The following UAP1L1 variants were observed in gnomAD, a reference collection of about 807,000 sequenced individuals.
UAP1L1 encodes the protein UDP-N-acetylglucosamine pyrophosphorylase 1 like 1, also known as UDP-N-acetylhexosamine pyrophosphorylase-like protein 1.
A neutral mutation model predicts 45.3 loss-of-function variants in UAP1L1; 45 were observed. The observed-to-expected ratio is 0.99, with a 90% CI of 0.78 to 1.27. UAP1L1 has a LOEUF of 1.27. Among genes scored for constraint, UAP1L1 ranks in the 50% most tolerant of loss-of-function variants. UAP1L1 has a pLI of 0.00. For synonymous variants in UAP1L1, 323 were observed against 303.9 expected, an observed-to-expected ratio of 1.06 and a Z score of -0.65; for missense variants, 667 against 694.0, an observed-to-expected ratio of 0.96 and a Z score of 0.44.
Position 137,077,829 on chromosome 9 carries a change from G to A in UAP1L1, c.289+8G>A. 3 of 1,419,534 alleles carry A rather than the reference G, an allele frequency of 2.1e-6. No homozygotes were observed. In the South Asian group the frequency reaches 4.5e-5, roughly 21 times the overall value. The allele number at this position is 1,419,534 out of a possible 1,614,324, so 87.9% of individuals were successfully genotyped here. A position where few individuals can be genotyped will look rare whatever the true frequency, so the allele number is the denominator to read the frequency against. On this transcript the variant is annotated splice_region_variant and intron_variant, in intron 1 of 8. Coordinates refer to ENST00000409858, the MANE Select transcript of UAP1L1 (RefSeq NM_207309.3). This position sits in a 1 kb window ranked among gnomAD's most constrained non-coding sequence, Gnocchi z 4.7. ...GGCGCTGGGAGGAGGAAGGTAAGCG[G>A]GGTGGGAGGCCCTGGGGGCCGGCAG...
chr9:137,083,761 C>G lies in UAP1L1; in HGVS notation c.*1032C>G, dbSNP rs1270105249. On this transcript the variant is annotated 3_prime_UTR_variant, in exon 9 of 9. Transcript: ENST00000409858. ...GCCTGCTTTCTCATCTCAGGGGAGG[C>G]AGTGGCACCTCCCTCTCCCTGCTGA... 6.6e-6 allele frequency: 1 copy of G among 152,234 alleles called. No homozygotes were observed. Among genetic ancestry groups the G allele is most frequent in the Non-Finnish European group, 1.5e-5 (1 of 68,060 alleles). The allele number at this position is 152,234 out of a possible 1,614,324, so 9.4% of individuals were successfully genotyped here.
chr9:137,079,382 C>A lies in UAP1L1; in HGVS notation c.970C>A (p.Leu324Met). The A allele has an allele frequency of 6.2e-7, 1 of 1,612,472 alleles. No homozygotes were observed. Among genetic ancestry groups the A allele is most frequent in the Non-Finnish European group, 8.5e-7 (1 of 1,179,406 alleles). ...ACAGCTACGTGCCTCCGACGGGAGC[C>A]TGCTGTACAATGCAGGCAACATCTG... The part of the protein sequence containing the change: ...TAQLRASDGS[L>M]LYNAGNICNH... Residue 324 changes from leucine (L) to methionine (M), a missense_variant, in exon 5 of 9, where the codon CTG (leucine) becomes ATG (methionine). Coordinates refer to ENST00000409858, the MANE Select transcript of UAP1L1 (RefSeq NM_207309.3).
chr9:137,077,542 G>C lies in UAP1L1; in HGVS notation c.10G>C (p.Glu4Gln), dbSNP rs1319551907. 5 of 1,387,128 alleles carry C rather than the reference G, an allele frequency of 3.6e-6. No individual in the cohort carries two copies. The highest frequency in any genetic ancestry group is 1.5e-5 in the African/African-American group (1 of 65,786). The allele number at this position is 1,387,128 out of a possible 1,614,324, so 85.9% of individuals were successfully genotyped here. A position where few individuals can be genotyped will look rare whatever the true frequency, so the allele number is the denominator to read the frequency against. The change falls in exon 1 of 9, where the codon GAG becomes CAG. Residue 4 changes from glutamate to glutamine, a missense_variant. Coordinates refer to ENST00000409858, the MANE Select transcript of UAP1L1 (RefSeq NM_207309.3). This position sits in a 1 kb window ranked among gnomAD's most constrained non-coding sequence, Gnocchi z 4.7. Reference protein sequence around the residue: MASEQDVRARLQRA... With the variant: MASQQDVRARLQRA... ...AGACGGCAGCGGCGACATGGCTTCG[G>C]AGCAGGACGTGCGCGCCCGGCTGCA...
chr9:137,082,969 C>T lies in UAP1L1; in HGVS notation c.*240C>T. Reference sequence around the variant, plus strand: ...TGTCGCCTCTGGACACAAGTGGCGACAGCCTGCTGGGGGCTCTGTGGCTCC... The same window carrying T: ...TGTCGCCTCTGGACACAAGTGGCGATAGCCTGCTGGGGGCTCTGTGGCTCC... On this transcript the variant is annotated 3_prime_UTR_variant, in exon 9 of 9. Coordinates refer to ENST00000409858, the MANE Select transcript of UAP1L1 (RefSeq NM_207309.3). The surrounding 1 kb of genome is among the most constrained non-coding windows in gnomAD (Gnocchi z 5.7). 2.0e-6 allele frequency: 1 copy of T among 509,898 alleles called. No individual in the cohort carries two copies. Among genetic ancestry groups the T allele is most frequent in the Non-Finnish European group, 3.6e-6 (1 of 278,702 alleles). The allele number at this position is 509,898 out of a possible 1,614,324, so 31.6% of individuals were successfully genotyped here. A position where few individuals can be genotyped will look rare whatever the true frequency, so the allele number is the denominator to read the frequency against.
chr9:137,080,982 C>A lies in UAP1L1; in HGVS notation c.1364+108C>A, dbSNP rs1422002039. 24 of 1,166,974 alleles carry A rather than the reference C, an allele frequency of 2.1e-5. No homozygotes were observed. In the South Asian group the frequency reaches 3.9e-4, roughly 19 times the overall value. The allele number at this position is 1,166,974 out of a possible 1,614,324, so 72.3% of individuals were successfully genotyped here. On this transcript the variant is annotated intron_variant, in intron 7 of 8. Transcript: ENST00000409858. ...TGCGACAGCCATGCTGGGGAGGGGTCTTCCTTCCCGGCACCACCGCAGGTG... is the reference window on the plus strand; with the variant it reads ...TGCGACAGCCATGCTGGGGAGGGGTATTCCTTCCCGGCACCACCGCAGGTG...
intron 6 of UAP1L1, 144 bp downstream of exon 6, chr9:137,080,286 C>A: frequency 9.3e-7 from 1 of 1,078,964 alleles, no homozygotes; most frequent in Non-Finnish European, 1.4e-6. Context: ...CCAGAGGGTG[C>A]TCTTGGCCCT....
Position 137,082,621 on chromosome 9 carries a change from C to T in UAP1L1, c.1432-16C>T. The T allele has an allele frequency of 6.5e-7, 1 of 1,549,898 alleles. No individual in the cohort carries two copies. On this transcript the variant is annotated splice_polypyrimidine_tract_variant and intron_variant, in intron 8 of 8. Coordinates refer to ENST00000409858, the MANE Select transcript of UAP1L1 (RefSeq NM_207309.3). The surrounding 1 kb of genome is among the most constrained non-coding windows in gnomAD (Gnocchi z 5.7). Reference sequence around the variant, plus strand: ...AAAAGGTGGGTACTTGGCCATTGTCCCCTGCTCGTCTCCAGGGTTTAGAAG... The same window carrying T: ...AAAAGGTGGGTACTTGGCCATTGTCTCCTGCTCGTCTCCAGGGTTTAGAAG...
In UAP1L1 at chr9:137,078,054, C is replaced by G. The variant is rs1438811143; in HGVS notation, c.294C>G (p.Phe98Leu). 2 of 1,549,100 alleles carry G rather than the reference C, an allele frequency of 1.3e-6. No homozygotes were observed. The highest frequency in any genetic ancestry group is 2.0e-5 in the Admixed American group (1 of 51,004). The change falls in exon 2 of 9, where the codon TTC (phenylalanine) becomes TTG (leucine). Residue 98 changes from phenylalanine (F) to leucine (L), a missense_variant. Physicochemically the swap from Phe to Leu is conservative, Grantham distance 22. Transcript: ENST00000409858. ...TCACGGCGCCCGTACCCCCAGGTTT[C>G]CGTCAGATTTCTCTGAACAAGGTGG... The part of the protein sequence containing the change: ...ETRRRWEEEG[F>L]RQISLNKVAV...
rs556725949 is a variant in UAP1L1 at position 137,082,833 on chromosome 9, G to T, written c.*104G>T. 1 of 919,422 alleles carries T rather than the reference G, an allele frequency of 1.1e-6. No homozygotes were observed. The highest frequency in any genetic ancestry group is 1.5e-5 in the South Asian group (1 of 67,308). The allele number at this position is 919,422 out of a possible 1,614,324, so 57.0% of individuals were successfully genotyped here. A position where few individuals can be genotyped will look rare whatever the true frequency, so the allele number is the denominator to read the frequency against. On this transcript the variant is annotated 3_prime_UTR_variant, in exon 9 of 9. Coordinates refer to ENST00000409858, the MANE Select transcript of UAP1L1 (RefSeq NM_207309.3). This position sits in a 1 kb window ranked among gnomAD's most constrained non-coding sequence, Gnocchi z 5.7. ...CCAGCCCCGGCGTCCTGGAGCTGGGGGCTACAGCCCAGCCTGAGCTCTGGG... is the reference window on the plus strand; with the variant it reads ...CCAGCCCCGGCGTCCTGGAGCTGGGTGCTACAGCCCAGCCTGAGCTCTGGG...
In UAP1L1 at chr9:137,079,496, G is replaced by A. The variant is rs372565723; in HGVS notation, c.1037+47G>A. On this transcript the variant is annotated intron_variant, in intron 5 of 8. Coordinates refer to ENST00000409858, the MANE Select transcript of UAP1L1 (RefSeq NM_207309.3). ...CGGATTGCCGGCCAGAGCCGCCTGC[G>A]TTGACCAGGGACCCGCGGGGTCCCA... The A allele has an allele frequency of 3.6e-5, 55 of 1,537,538 alleles. No homozygotes were observed. The African/African-American group carries it at 5.9e-4, about 16-fold the overall frequency.
chr9:137,078,383 C>A, intron 2 of UAP1L1, 119 bp from the exon 3 acceptor site: 1 of 1,579,918 alleles, frequency 6.3e-7, no homozygotes. Context: ...CAAAATGGGG[C>A]CTGGCCCCAG....
chr9:137,079,271 T>C lies in UAP1L1; in HGVS notation c.859T>C (p.Tyr287His). 1 of 1,609,618 alleles carries C rather than the reference T, an allele frequency of 6.2e-7. No homozygotes were observed. The highest frequency in any genetic ancestry group is 8.5e-7 in the Non-Finnish European group (1 of 1,177,734). The change falls in exon 5 of 9, where the codon TAC becomes CAC. Residue 287 changes from tyrosine (Y) to histidine (H), a missense_variant. By Grantham distance (83) the Tyr-to-His change is moderately conservative. Coordinates refer to ENST00000409858, the MANE Select transcript of UAP1L1 (RefSeq NM_207309.3). Reference protein sequence around the residue: ...DCGAKVVEKAYPEEPVGVVCQ... With the variant: ...DCGAKVVEKAHPEEPVGVVCQ... ...TTGGCTGCAGGTGGTGGAAAAGGCATACCCCGAGGAGCCCGTGGGCGTGGT... is the reference window on the plus strand; with the variant it reads ...TTGGCTGCAGGTGGTGGAAAAGGCACACCCCGAGGAGCCCGTGGGCGTGGT...
chr9:137,079,226 C>G, intron 4 of UAP1L1, 30 bp from the exon 5 acceptor site: 2 of 1,603,518 alleles, frequency 1.2e-6, no homozygotes, highest in South Asian at 2.2e-5. Context: ...CCGCCCAGCC[C>G]TCGGAACCCA....
chr9:137,081,842 C>T (rs1281730368), intron 7 of UAP1L1, among the ~76,000 whole-genome samples, 156 bp from the exon 8 acceptor site: 1 of 152,062 alleles, frequency 6.6e-6, no homozygotes, highest in Non-Finnish European at 1.5e-5. Flanking sequence ...GATGTGTGCT[C>T]AGGGTTTGGG....
Position 137,082,472 on chromosome 9 carries a change from C to T in UAP1L1, c.1432-165C>T, listed in dbSNP as rs960155033. On this transcript the variant is annotated intron_variant, in intron 8 of 8. Coordinates refer to ENST00000409858, the MANE Select transcript of UAP1L1 (RefSeq NM_207309.3). This position sits in a 1 kb window ranked among gnomAD's most constrained non-coding sequence, Gnocchi z 5.7. ...TTGAGTGTGGTCTTGGGTGGCCTTG[C>T]AGTGTGTGTCTGCTCCTGGCCCTGG... 3.8e-5 allele frequency: 24 copies of T among 625,024 alleles called. No individual in the cohort carries two copies. The highest frequency in any genetic ancestry group is 3.8e-4 in the Middle Eastern group (1 of 2,642). The allele number at this position is 625,024 out of a possible 1,614,324, so 38.7% of individuals were successfully genotyped here. A position where few individuals can be genotyped will look rare whatever the true frequency, so the allele number is the denominator to read the frequency against.
chr9:137,082,910 AT>A lies in UAP1L1; in HGVS notation c.*182del, dbSNP rs1037560402. On this transcript the variant is annotated 3_prime_UTR_variant, in exon 9 of 9. Coordinates refer to ENST00000409858, the MANE Select transcript of UAP1L1 (RefSeq NM_207309.3). This position sits in a 1 kb window ranked among gnomAD's most constrained non-coding sequence, Gnocchi z 5.7. ...CAGCCTGCAGAACACAGAATGAAAC[AT>A]GCTGGTAGACTCCACGAGGGCAGGG... 14 of 592,084 alleles carry A rather than the reference AT, an allele frequency of 2.4e-5. No individual in the cohort carries two copies. Among genetic ancestry groups the A allele is most frequent in the Non-Finnish European group, 3.9e-5 (13 of 330,506 alleles). 36.7% of individuals were successfully genotyped at this position (592,084 alleles called of 1,614,324 possible).
Position 137,082,129 on chromosome 9 carries a change from A to T in UAP1L1, c.1431+65A>T. 2 of 1,527,702 alleles carry T rather than the reference A, an allele frequency of 1.3e-6. No individual in the cohort carries two copies. Among genetic ancestry groups the T allele is most frequent in the Admixed American group, 3.3e-5 (2 of 59,870 alleles). 94.6% of individuals were successfully genotyped at this position (1,527,702 alleles called of 1,614,324 possible). A position where few individuals can be genotyped will look rare whatever the true frequency, so the allele number is the denominator to read the frequency against. ...CAGGTTTGGAATACCATCTGGGGAG[A>T]GGTGGCTGCTCGGGTGGAGACGGCA... On this transcript the variant is annotated intron_variant, in intron 8 of 8. Coordinates refer to ENST00000409858, the MANE Select transcript of UAP1L1 (RefSeq NM_207309.3). The surrounding 1 kb of genome is among the most constrained non-coding windows in gnomAD (Gnocchi z 5.7).
rs1401743196 is a variant in UAP1L1 at position 137,077,761 on chromosome 9, G to A, written c.229G>A (p.Glu77Lys). 16 of 1,263,878 alleles carry A rather than the reference G, an allele frequency of 1.3e-5. No homozygotes were observed. The South Asian group carries it at 4.1e-4, about 32-fold the overall frequency. 78.3% of individuals were successfully genotyped at this position (1,263,878 alleles called of 1,614,324 possible). A position where few individuals can be genotyped will look rare whatever the true frequency, so the allele number is the denominator to read the frequency against. Residue 77 changes from glutamate to lysine, a missense_variant, in exon 1 of 9, where the codon GAG becomes AAG. Glu to Lys is a moderately conservative substitution (Grantham distance 56). Coordinates refer to ENST00000409858, the MANE Select transcript of UAP1L1 (RefSeq NM_207309.3). This position sits in a 1 kb window ranked among gnomAD's most constrained non-coding sequence, Gnocchi z 4.7. ...CGCGCGCCTGCGGCCCCTGCCCCCA[G>A]AGCGCGTGGGCAGGGCCAGCCGCAG... The part of the protein sequence containing the change: ...LAARLRPLPP[E>K]RVGRASRSDP...
Position 137,082,523 on chromosome 9 carries a change from T to C in UAP1L1, c.1432-114T>C. 1.2e-6 allele frequency: 1 copy of C among 859,848 alleles called. No individual in the cohort carries two copies. The allele number at this position is 859,848 out of a possible 1,614,324, so 53.3% of individuals were successfully genotyped here. ...AAGCCTTTCTGTCCCCACCCCTCCC[T>C]GACTCCAGGCAGACCTGGGATCGCA... On this transcript the variant is annotated intron_variant, in intron 8 of 8. Transcript: ENST00000409858. The surrounding 1 kb of genome is among the most constrained non-coding windows in gnomAD (Gnocchi z 5.7).
Sources: gnomAD v4.1 joint callset for allele counts (sites outside exome capture counted in the v4.1 genomes callset) on GRCh38, gnomAD v4.1.1 for gene constraint, Gnocchi (gnomAD v3.1) non-coding constraint, MANE v1.5 for transcripts, NCBI Gene and HGNC (gene_info 2026-07-23, HGNC 2026-07-21) for gene names.